Variants in DISC1 observed in about 807,000 individuals in gnomAD.
DISC1 encodes DISC1 scaffold protein, also known as disrupted in schizophrenia 1 protein.
DISC1 carries 57 observed loss-of-function variants against 84.5 expected under a neutral mutation model. That is an observed-to-expected ratio of 0.67 (90% CI 0.55 to 0.84). The LOEUF is 0.84. Ranked by LOEUF, DISC1 falls within the 40% of genes least tolerant of loss-of-function variation. The probability of loss-of-function intolerance (pLI) is 0.00; values close to 1 mark genes in which losing one functional copy is unlikely to be tolerated. For missense variants in DISC1, 1,000 were observed against 1,057.8 expected (o/e 0.95, Z 0.76); for synonymous variants, 411 against 415.2 (o/e 0.99, Z 0.12).
chr1:231,753,036 CAGG>C (rs2074777321), intron 4 of DISC1, among the ~76,000 whole-genome samples: 1 of 152,248 alleles, frequency 6.6e-6, no homozygotes, highest in Non-Finnish European at 1.5e-5. Context: ...GCTGCTCTCA[CAGG>C]CTGGCATTGA....
chr1:231,657,479 A>C (rs1015484094), intron 1 of DISC1, among the ~76,000 whole-genome samples: 1 of 152,110 alleles, frequency 6.6e-6, no homozygotes. Flanking sequence ...GAAGCTCTTT[A>C]GTTTAATTAG....
chr1:232,026,314 G>GCC (rs1191783681), intron 11 of DISC1, 121 bp from the exon 12 acceptor site: 9 of 651,986 alleles, frequency 1.4e-5, no homozygotes, highest in Non-Finnish European at 2.2e-5. Flanking sequence ...GGAGACACAG[G>GCC]CCCTAGCACA....
In DISC1 at chr1:231,778,780, C is replaced by G. The variant is rs186111948; in HGVS notation, c.1634+7710C>G. Among the ~76,000 whole-genome samples, 1,286 of 152,174 alleles carry G rather than the reference C, an allele frequency of 8.5e-3. 9 individuals carry two copies. The highest frequency in any genetic ancestry group is 0.031 in the Middle Eastern group (9 of 294). Reference sequence around the variant, plus strand: ...AATGTAGGTTCCCAATAAAACAGGACCCCCATTTCCAGTTTTCATTGCGTT... The same window carrying G: ...AATGTAGGTTCCCAATAAAACAGGAGCCCCATTTCCAGTTTTCATTGCGTT... On this transcript the variant is annotated intron_variant, in intron 6 of 12. Coordinates refer to ENST00000439617, the MANE Select transcript of DISC1 (RefSeq NM_018662.3).
Position 231,849,625 on chromosome 1 carries a change from C to G in DISC1, c.1981+31108C>G, listed in dbSNP as rs114129793. Among the ~76,000 whole-genome samples, 638 of 152,222 alleles carry G rather than the reference C, an allele frequency of 4.2e-3. 4 individuals are homozygous for G. Among genetic ancestry groups the G allele is most frequent in the African/African-American group, 0.015 (614 of 41,548 alleles). ...GTTTCCCTCATACCATTTTGCTTAT[C>G]AAATGATCCTTTAGGTTCTTTCCAA... On this transcript the variant is annotated intron_variant, in intron 9 of 12. Coordinates refer to ENST00000439617, the MANE Select transcript of DISC1 (RefSeq NM_018662.3).
chr1:231,696,207 G>A (rs2065679078), intron 2 of DISC1, among the ~76,000 whole-genome samples: 1 of 152,148 alleles, frequency 6.6e-6, no homozygotes, highest in African/African-American at 2.4e-5. Context: ...CATCACCATG[G>A]CCGCTGCCCT....
Position 232,039,492 on chromosome 1 carries a change from G to A in DISC1, c.*2661G>A, listed in dbSNP as rs569525838. ...CCTGCTGCAAATTTTGAAGTATTTG[G>A]GCAGGTGAGTCATGTTTTAACCACA... On this transcript the variant is annotated 3_prime_UTR_variant, in exon 13 of 13. Transcript: ENST00000439617. 1.3e-5 allele frequency: 2 copies of A among 152,154 alleles called. No homozygotes were observed. Among genetic ancestry groups the A allele is most frequent in the East Asian group, 1.9e-4 (1 of 5,144 alleles). The allele number at this position is 152,154 out of a possible 1,614,324, so 9.4% of individuals were successfully genotyped here.
chr1:232,029,701 C>T (rs1440932480), intron 12 of DISC1, among the ~76,000 whole-genome samples: 3 of 152,182 alleles, frequency 2.0e-5, no homozygotes, highest in African/African-American at 2.4e-5. Context: ...TGGACGTCCA[C>T]GTCTGAAAGA....
intron 10 of DISC1, among the ~76,000 whole-genome samples, chr1:231,967,847 C>G (rs1461326211): frequency 1.3e-5 from 2 of 152,010 alleles, no homozygotes; most frequent in African/African-American, 4.8e-5. Flanking sequence ...ATAAGCTAAA[C>G]ATACGCAGAG....
chr1:231,774,606 TTTGA>T (rs780151260), intron 6 of DISC1: 3 of 439,882 alleles, frequency 6.8e-6, no homozygotes, highest in African/African-American at 4.0e-5. Flanking sequence ...AGGTGCACAC[TTTGA>T]TTGGTCAGCT....
At chr1:231,666,659 C>A (rs2062050288) in intron 1 of DISC1, among the ~76,000 whole-genome samples, 1 of 152,164 alleles carries the variant, frequency 6.6e-6, no homozygotes, top group Admixed American at 6.5e-5. Flanking sequence ...CCTACATACA[C>A]TTCAGGTGGC....
At chr1:231,807,976 T>C (rs1183163792) in intron 8 of DISC1, among the ~76,000 whole-genome samples, 1 of 152,204 alleles carries the variant, frequency 6.6e-6, no homozygotes, top group African/African-American at 2.4e-5. Flanking sequence ...AAATGGTAGA[T>C]GTTGGCCATC....
chr1:231,944,280 G>C (rs2091495291), intron 9 of DISC1, among the ~76,000 whole-genome samples: 1 of 151,268 alleles, frequency 6.6e-6, no homozygotes, highest in African/African-American at 2.4e-5. Flanking sequence ...GCACTGCCCA[G>C]ATCCTTCTTC....
chr1:231,742,431 A>G (rs368231571), intron 3 of DISC1, among the ~76,000 whole-genome samples: 4 of 152,242 alleles, frequency 2.6e-5, no homozygotes, highest in African/African-American at 9.6e-5. Flanking sequence ...CACTGAAGCT[A>G]TGCAATTGCT....
At position 232,040,448 on chromosome 1, in the gene DISC1, A is replaced by G. The variant is rs991753635; in HGVS notation, c.*3617A>G. The G allele has an allele frequency of 2.0e-5, 3 of 152,142 alleles. No homozygotes were observed. Among genetic ancestry groups the G allele is most frequent in the Non-Finnish European group, 4.4e-5 (3 of 68,044 alleles). The allele number at this position is 152,142 out of a possible 1,614,324, so 9.4% of individuals were successfully genotyped here. Reference sequence around the variant, plus strand: ...GCCCTTGCCATGCTAAGCCCTTTACAGTCATATCCTATAATCCCCATATCA... The same window carrying G: ...GCCCTTGCCATGCTAAGCCCTTTACGGTCATATCCTATAATCCCCATATCA... On this transcript the variant is annotated 3_prime_UTR_variant, in exon 13 of 13. Transcript: ENST00000439617.
At position 232,031,120 on chromosome 1, in the gene DISC1, G is replaced by GGGAA. The variant is rs753203385; in HGVS notation, c.2425+4584_2425+4587dup. The stretch of plus-strand genomic sequence containing the variant: ...TAAGACACTGCCAAAGAAGGAGGGA[G>GGGAA]GGAAGGAAGGAAGGAAGGAGGGAGA... On this transcript the variant is annotated intron_variant, in intron 12 of 12. Transcript: ENST00000439617. The surrounding 1 kb of genome is among the most constrained non-coding windows in gnomAD (Gnocchi z 4.6). 1.3e-5 allele frequency among the ~76,000 whole-genome samples: 2 copies of GGGAA among 149,922 alleles called. No homozygotes were observed. The highest frequency in any genetic ancestry group is 2.5e-5 in the African/African-American group (1 of 40,458).
intron 10 of DISC1, among the ~76,000 whole-genome samples, chr1:231,996,355 A>G (rs1293024229): frequency 6.6e-6 from 1 of 151,936 alleles, no homozygotes; most frequent in Non-Finnish European, 1.5e-5. Flanking sequence ...ATTAGATCCC[A>G]TTTGTCAATT....
intron 1 of DISC1, among the ~76,000 whole-genome samples, chr1:231,649,336 G>T (rs2060419529): frequency 6.6e-6 from 1 of 152,186 alleles, no homozygotes; most frequent in Non-Finnish European, 1.5e-5. Flanking sequence ...TTCAGGAGCA[G>T]GTTGTTCAGT....
At chr1:231,851,550 C>A (rs1417781317) in intron 9 of DISC1, among the ~76,000 whole-genome samples, 1 of 152,198 alleles carries the variant, frequency 6.6e-6, no homozygotes, top group Non-Finnish European at 1.5e-5. Flanking sequence ...TCACACCTCA[C>A]GTGGAAGTGC....
At chr1:231,864,442 T>C (rs1368793122) in intron 9 of DISC1, among the ~76,000 whole-genome samples, 2 of 152,078 alleles carry the variant, frequency 1.3e-5, no homozygotes, top group Admixed American at 1.3e-4. Context: ...GGTGGGCAGA[T>C]CACGAGGTCA....
Sources: allele counts gnomAD v4.1 joint callset (sites outside exome capture counted in the v4.1 genomes callset), GRCh38; gene constraint gnomAD v4.1.1; non-coding constraint Gnocchi (gnomAD v3.1); transcripts MANE v1.5; gene names NCBI Gene and HGNC (gene_info 2026-07-23, HGNC 2026-07-21).